RAD9B: variants seen among roughly 807,000 people sequenced by gnomAD.
The protein encoded by RAD9B is RAD9 checkpoint clamp component B.
A neutral mutation model predicts 48.3 loss-of-function variants in RAD9B; 41 were observed. The observed-to-expected ratio is 0.85, with a 90% confidence interval of 0.66 to 1.10. The LOEUF (loss-of-function observed/expected upper bound fraction) is 1.10. RAD9B is among the 50% of genes least tolerant of loss of function. The pLI, the probability that RAD9B is intolerant of heterozygous loss-of-function variation, is 0.00. For synonymous variants in RAD9B, 160 were observed against 157.9 expected (o/e 1.01, Z -0.10); for missense variants, 444 against 485.1 (o/e 0.92, Z 0.80).
intron 1 of RAD9B, 84 bp downstream of exon 1, chr12:110,502,467 C>T (rs1017643432): frequency 6.6e-7 from 1 of 1,518,154 alleles, no homozygotes; most frequent in Non-Finnish European, 9.0e-7. Context: ...CTAATTTTTC[C>T]TCTTTGCCTT....
intron 10 of RAD9B, among the ~76,000 whole-genome samples, chr12:110,523,964 G>A (rs148426858): frequency 9.7e-4 from 147 of 152,206 alleles, no homozygotes; most frequent in African/African-American, 2.7e-3. Flanking sequence ...AATTCCATGG[G>A]CTTCCTGCCA....
intron 1 of RAD9B, 98 bp downstream of exon 1, chr12:110,502,481 G>A: frequency 1.4e-6 from 2 of 1,414,498 alleles, no homozygotes; most frequent in African/African-American, 1.4e-5. Flanking sequence ...TTGCCTTTTT[G>A]CGCAATGACT....
chr12:110,518,971 CT>C, intron 8 of RAD9B, 33 bp downstream of exon 8: 2 of 1,410,330 alleles, frequency 1.4e-6, no homozygotes, highest in African/African-American at 1.5e-5. Flanking sequence ...GAGCTTGTTT[CT>C]TTTGTTTTAT....
Position 110,524,499 on chromosome 12 carries a change from T to C in RAD9B, c.1125+2088T>C, listed in dbSNP as rs1476338513. On this transcript the variant is annotated intron_variant, in intron 10 of 10. Coordinates refer to ENST00000409300, the MANE Select transcript of RAD9B (RefSeq NM_001286535.2). ...ATTGCTTGAATCCGGGAGGCGGAGATTGCAGTGAGCTGAGATCGTGCCATT... is the reference window on the plus strand; with the variant it reads ...ATTGCTTGAATCCGGGAGGCGGAGACTGCAGTGAGCTGAGATCGTGCCATT... 2.0e-5 allele frequency among the ~76,000 whole-genome samples: 3 copies of C among 152,216 alleles called. No homozygotes were observed. In the East Asian group the frequency reaches 5.8e-4, roughly 29 times the overall value.
intron 10 of RAD9B, 124 bp from the exon 11 acceptor site, chr12:110,530,401 A>C: frequency 2.3e-6 from 2 of 880,676 alleles, no homozygotes; most frequent in South Asian, 3.2e-5. Flanking sequence ...TGTTCTGTGA[A>C]CCATCACCAG....
At chr12:110,507,401 A>G (rs2063312751) in intron 4 of RAD9B, among the ~76,000 whole-genome samples, 1 of 143,862 alleles carries the variant, frequency 7.0e-6, no homozygotes, top group Non-Finnish European at 1.5e-5. Flanking sequence ...AATATATAAT[A>G]TATGTATTAA....
chr12:110,507,014 A>ATT (rs1190364715), intron 4 of RAD9B, among the ~76,000 whole-genome samples: 1 of 151,724 alleles, frequency 6.6e-6, no homozygotes, highest in African/African-American at 2.4e-5. Flanking sequence ...TAATTTTTGT[A>ATT]TTTTTAGTAG....
intron 10 of RAD9B, among the ~76,000 whole-genome samples, chr12:110,525,803 A>G (rs145764900): frequency 0.14 from 21,703 of 151,932 alleles, 2,129 homozygotes; most frequent in African/African-American, 0.28. Flanking sequence ...TGATTCTCCT[A>G]CCTCAGCCTC....
intron 4 of RAD9B, among the ~76,000 whole-genome samples, chr12:110,507,511 A>AATACATAATATATGTATTAAAT (rs2063330082): frequency 7.1e-5 from 2 of 28,222 alleles, no homozygotes; most frequent in Admixed American, 6.8e-4. Context: ...TATTAAATAT[A>AATACATAATATATGTATTAAAT]ATACATAATA....
chr12:110,522,447 G>T, intron 10 of RAD9B, 36 bp downstream of exon 10: 2 of 1,428,000 alleles, frequency 1.4e-6, no homozygotes, highest in Non-Finnish European at 1.9e-6. Context: ...TCTCAGTCAA[G>T]AATTCTCATC....
At chr12:110,528,710 A>C (rs2064024523) in intron 10 of RAD9B, among the ~76,000 whole-genome samples, 1 of 152,212 alleles carries the variant, frequency 6.6e-6, no homozygotes, top group Admixed American at 6.5e-5. Context: ...TATGGGGGTC[A>C]GTGAGGGAGA....
At chr12:110,503,553 C>T (rs2063163360) in intron 1 of RAD9B, 2 of 435,424 alleles carry the variant, frequency 4.6e-6, no homozygotes, top group Non-Finnish European at 8.3e-6. Context: ...CTCCATGCAA[C>T]ACTGTAAACA....
rs2064169347 is a variant in RAD9B at position 110,532,636 on chromosome 12, G to A, written c.*1983G>A. On this transcript the variant is annotated 3_prime_UTR_variant, in exon 11 of 11. Transcript: ENST00000409300. ...GCTGCATAACAACGTTTTGGTCAAC[G>A]ATGGACTGCACAGACAGTGGTGGTC... is the stretch of plus-strand genomic sequence containing the variant. Among the ~76,000 whole-genome samples, 1 of 152,342 alleles carries A rather than the reference G, an allele frequency of 6.6e-6. No homozygotes were observed. The highest frequency in any genetic ancestry group is 1.5e-5 in the Non-Finnish European group (1 of 68,032).
chr12:110,520,066 C>T, intron 9 of RAD9B, 150 bp downstream of exon 9: 1 of 782,142 alleles, frequency 1.3e-6, no homozygotes, highest in Non-Finnish European at 2.0e-6. Flanking sequence ...TGTAGTGAAA[C>T]TTACCTGTAG....
chr12:110,519,943 T>C (rs2063724799), intron 9 of RAD9B, 27 bp downstream of exon 9: 2 of 1,603,110 alleles, frequency 1.2e-6, no homozygotes, highest in Non-Finnish European at 1.7e-6. Context: ...ACTTCTTTAT[T>C]ACTTGGGACA....
chr12:110,531,266 C>A lies in RAD9B; in HGVS notation c.*613C>A. On this transcript the variant is annotated 3_prime_UTR_variant, in exon 11 of 11. Transcript: ENST00000409300. ...CAAGTGCAGTGGTGCAATCTCTGCT[C>A]ACTGCAACATCTGCCTCCCAGGTCC... is the stretch of plus-strand genomic sequence containing the variant. 5.0e-6 allele frequency: 3 copies of A among 597,738 alleles called. No individual in the cohort carries two copies. The highest frequency in any genetic ancestry group is 6.9e-6 in the Non-Finnish European group (3 of 436,646). 37.0% of individuals were successfully genotyped at this position (597,738 alleles called of 1,614,324 possible). A position where few individuals can be genotyped will look rare whatever the true frequency, so the allele number is the denominator to read the frequency against.
chr12:110,528,240 G>A (rs2064006129), intron 10 of RAD9B, among the ~76,000 whole-genome samples: 1 of 151,402 alleles, frequency 6.6e-6, no homozygotes, highest in Admixed American at 6.6e-5. Context: ...TTACTTAGAT[G>A]AGAAGTGGAG....
chr12:110,527,182 T>G (rs1202111799), intron 10 of RAD9B, among the ~76,000 whole-genome samples: 1 of 152,146 alleles, frequency 6.6e-6, no homozygotes, highest in Non-Finnish European at 1.5e-5. Flanking sequence ...CATTCTTTGC[T>G]TTGTAGTTCT....
chr12:110,512,633 A>T (rs1368297361), intron 4 of RAD9B, 146 bp from the exon 5 acceptor site: 5 of 536,374 alleles, frequency 9.3e-6, no homozygotes, highest in Non-Finnish European at 1.6e-5. Flanking sequence ...CATTTAATTA[A>T]GGAATAGTGC....
Sources: gnomAD v4.1 joint callset for allele counts (sites outside exome capture counted in the v4.1 genomes callset) on GRCh38, gnomAD v4.1.1 for gene constraint, MANE v1.5 for transcripts, NCBI Gene and HGNC (gene_info 2026-07-23, HGNC 2026-07-21) for gene names.